KLRG1: variants seen among roughly 807,000 people sequenced by gnomAD.
The protein encoded by KLRG1 is killer cell lectin like receptor G1.
Under a neutral mutation model 21.8 loss-of-function variants are expected in KLRG1, and 16 were observed. The ratio of observed to expected loss-of-function variants is 0.73; its 90% CI spans 0.50 to 1.11. The LOEUF (loss-of-function observed/expected upper bound fraction) is 1.11. Among genes scored for constraint, KLRG1 ranks in the 50% most tolerant of loss-of-function variants. The pLI is 0.00. For synonymous variants in KLRG1, 69 were observed against 75.9 expected, an observed-to-expected ratio of 0.91 and a Z score of 0.47; for missense variants, 173 against 218.3, an observed-to-expected ratio of 0.79 and a Z score of 1.31.
the KLRG1 span, among the ~76,000 whole-genome samples, chr12:9,089,407 A>G: frequency 2.0e-5 from 3 of 152,220 alleles, no homozygotes; most frequent in Admixed American, 6.5e-5. Context: ...CGTAGGAGGT[A>G]GTTCGATGCA....
chr12:9,062,919 G>A, the KLRG1 span, among the ~76,000 whole-genome samples: 1 of 151,790 alleles, frequency 6.6e-6, no homozygotes, highest in Non-Finnish European at 1.5e-5. Context: ...ACGGCTTAGG[G>A]TAAAATGACA....
At chr12:9,049,675 G>A in the KLRG1 span, among the ~76,000 whole-genome samples, 3 of 151,484 alleles carry the variant, frequency 2.0e-5, no homozygotes, top group African/African-American at 4.9e-5. Context: ...TATTTTTTAC[G>A]AGATTTTTAA....
chr12:9,182,056 C>T, the KLRG1 span: 51 of 1,613,738 alleles, frequency 3.2e-5, no homozygotes, highest in Non-Finnish European at 4.1e-5. Flanking sequence ...CAAAGATGAA[C>T]ATTCGTGCAA....
chr12:9,069,646 C>A, the KLRG1 span: 1 of 795,972 alleles, frequency 1.3e-6, no homozygotes, highest in Admixed American at 2.4e-5. Flanking sequence ...AAATTTCTAG[C>A]ATGGAAGTGA....
the KLRG1 span, among the ~76,000 whole-genome samples, chr12:9,073,627 C>T: frequency 6.6e-6 from 1 of 151,946 alleles, no homozygotes; most frequent in Non-Finnish European, 1.5e-5. Context: ...ACATTTTTTC[C>T]GTTTTAGGGT....
intron 1 of KLRG1, among the ~76,000 whole-genome samples, chr12:8,963,470 A>T (rs1333667838): frequency 6.6e-6 from 1 of 152,222 alleles, no homozygotes; most frequent in African/African-American, 2.4e-5. Flanking sequence ...ATCAATGTTC[A>T]TCAAGGATAT....
chr12:8,954,779 A>G (rs184442696), intron 1 of KLRG1, among the ~76,000 whole-genome samples: 1 of 152,332 alleles, frequency 6.6e-6, no homozygotes, highest in African/African-American at 2.4e-5. Flanking sequence ...CACATATAAG[A>G]AAACACAGGA....
At chr12:9,068,437 C>G in the KLRG1 span, among the ~76,000 whole-genome samples, 1 of 152,074 alleles carries the variant, frequency 6.6e-6, no homozygotes, top group African/African-American at 2.4e-5. Flanking sequence ...TCCCAAACTC[C>G]TGAAGGACTC....
At chr12:9,033,878 C>T in the KLRG1 span, among the ~76,000 whole-genome samples, 1 of 152,152 alleles carries the variant, frequency 6.6e-6, no homozygotes, top group East Asian at 1.9e-4. Flanking sequence ...GACTCCCTAT[C>T]GGTGGGAGAT....
At chr12:9,089,931 C>A in the KLRG1 span, 1 of 1,612,370 alleles carries the variant, frequency 6.2e-7, no homozygotes, top group Admixed American at 1.7e-5. Context: ...ATGACTGTGT[C>A]TTTCCTTCCG....
At chr12:9,162,065 G>A in the KLRG1 span, among the ~76,000 whole-genome samples, 2 of 152,078 alleles carry the variant, frequency 1.3e-5, no homozygotes, top group Non-Finnish European at 2.9e-5. Context: ...CGGCTCAAGC[G>A]ATTCTCGTGC....
chr12:9,135,256 G>T, the KLRG1 span: 1 of 260,580 alleles, frequency 3.8e-6, no homozygotes, highest in South Asian at 5.5e-5. Flanking sequence ...CCATACAAAA[G>T]ATCAAGTTAT....
chr12:9,187,602 T>C, the KLRG1 span, among the ~76,000 whole-genome samples: 192 of 152,336 alleles, frequency 1.3e-3, no homozygotes, highest in Middle Eastern at 0.014. Context: ...AATGAAATTT[T>C]GGCAGAAATC....
At chr12:8,955,192 C>T (rs988819714) in intron 1 of KLRG1, among the ~76,000 whole-genome samples, 16 of 152,034 alleles carry the variant, frequency 1.1e-4, no homozygotes, top group African/African-American at 1.7e-4. Context: ...GGATTACAGG[C>T]GTGAGCCACT....
the KLRG1 span, among the ~76,000 whole-genome samples, chr12:9,021,249 T>C: frequency 6.6e-6 from 1 of 152,172 alleles, no homozygotes. Context: ...GGTAAGTTAA[T>C]GTAAAGGCCT....
At chr12:9,141,049 GACA>G in the KLRG1 span, among the ~76,000 whole-genome samples, 1 of 152,020 alleles carries the variant, frequency 6.6e-6, no homozygotes, top group African/African-American at 2.4e-5. Flanking sequence ...CCAAAAACAA[GACA>G]ACAATTGTTT....
At chr12:8,995,760 C>G (rs995367104) in intron 3 of KLRG1, among the ~76,000 whole-genome samples, 18 of 151,486 alleles carry the variant, frequency 1.2e-4, no homozygotes, top group Admixed American at 3.3e-4. Flanking sequence ...TTGGCTCACT[C>G]CAACCTCCGC....
At chr12:9,115,546 C>A in the KLRG1 span, 1 of 467,206 alleles carries the variant, frequency 2.1e-6, no homozygotes, top group Non-Finnish European at 3.9e-6. Context: ...TTCTGACACC[C>A]CTTAGGAAGG....
chr12:8,992,403 C>T (rs1946998616), intron 2 of KLRG1, 93 bp downstream of exon 2: 1 of 873,416 alleles, frequency 1.1e-6, no homozygotes, highest in African/African-American at 1.7e-5. Context: ...AAAAATAATT[C>T]AAACAAAATA....
Sources: gnomAD v4.1 joint callset for allele counts (sites outside exome capture counted in the v4.1 genomes callset) on GRCh38, gnomAD v4.1.1 for gene constraint, MANE v1.5 for transcripts, NCBI Gene and HGNC (gene_info 2026-07-23, HGNC 2026-07-21) for gene names.